Variants in COL6A6 observed in about 807,000 individuals in gnomAD.
The protein encoded by COL6A6 is collagen alpha-6(VI) chain.
COL6A6 carries 183 observed loss-of-function variants against 208.6 expected under a neutral mutation model. The ratio of observed to expected loss-of-function variants is 0.88; its 90% CI spans 0.78 to 0.99. The LOEUF (loss-of-function observed/expected upper bound fraction) is 0.99. COL6A6 is among the 50% of genes least tolerant of loss of function. The probability of loss-of-function intolerance (pLI) is 0.00; values close to 1 mark genes in which losing one functional copy is unlikely to be tolerated. For synonymous variants in COL6A6, 973 were observed against 1,011.8 expected (o/e 0.96, Z 0.73); for missense variants, 2,816 against 2,815.2 (o/e 1.00, Z -0.01).
chr3:130,627,470 A>G (rs2064925928), intron 26 of COL6A6, 101 bp downstream of exon 26: 2 of 931,786 alleles, frequency 2.1e-6, no homozygotes, highest in African/African-American at 1.6e-5. Context: ...GAATAAGGCA[A>G]TCTTGGACAG....
At chr3:130,563,780 A>T in intron 3 of COL6A6, 116 bp downstream of exon 3, 3 of 689,152 alleles carry the variant, frequency 4.4e-6, no homozygotes, top group Admixed American at 5.7e-5. Flanking sequence ...GCATTTTCAG[A>T]TGTTATGTAC....
intron 8 of COL6A6, 37 bp downstream of exon 8, chr3:130,574,562 A>C: frequency 6.5e-7 from 1 of 1,527,400 alleles, no homozygotes; most frequent in Non-Finnish European, 9.0e-7. Context: ...GATTCCCTAC[A>C]CCATCTTCTC....
At chr3:130,598,332 A>G in intron 18 of COL6A6, 33 bp from the exon 19 acceptor site, 2 of 1,393,558 alleles carry the variant, frequency 1.4e-6, no homozygotes, top group South Asian at 2.5e-5. Context: ...ATGTCCAAAT[A>G]TATTAATTTT....
At chr3:130,581,928 T>A (rs2063433623) in intron 9 of COL6A6, 24 bp downstream of exon 9, 1 of 1,596,460 alleles carries the variant, frequency 6.3e-7, no homozygotes, top group East Asian at 2.2e-5. Context: ...ATCTTATTTG[T>A]TGGTCTATGA....
chr3:130,590,172 TA>T (rs2063639563), intron 12 of COL6A6: 1 of 207,214 alleles, frequency 4.8e-6, no homozygotes, highest in African/African-American at 2.4e-5. Flanking sequence ...GAACTATATA[TA>T]AACCCAGATT....
At chr3:130,530,336 C>T (rs981998621) in intron 1 of COL6A6, among the ~76,000 whole-genome samples, 9 of 150,266 alleles carry the variant, frequency 6.0e-5, no homozygotes, top group African/African-American at 2.2e-4. Context: ...ACTGCCTGGC[C>T]TCAAAACCCT....
At chr3:130,590,270 TA>T (rs1560034342) in intron 12 of COL6A6, among the ~76,000 whole-genome samples, 2 of 18,008 alleles carry the variant, frequency 1.1e-4, no homozygotes, top group Non-Finnish European at 2.5e-4. Flanking sequence ...TATATATATA[TA>T]TATATATATA....
At position 130,544,121 on chromosome 3, in the gene COL6A6, T is replaced by C. The variant is rs80289975; in HGVS notation, c.-31-16213T>C. Among the ~76,000 whole-genome samples the C allele has an allele frequency of 6.0e-3, 920 of 152,326 alleles. 5 individuals carry two copies. Among genetic ancestry groups the C allele is most frequent in the African/African-American group, 0.02 (823 of 41,566 alleles). On this transcript the variant is annotated intron_variant, in intron 1 of 36. Coordinates refer to ENST00000358511, the MANE Select transcript of COL6A6 (RefSeq NM_001102608.3). ...TCCTGACTTATTCATCCTATATATC[T>C]GCAACTTTATATCTTTTGACCTATA...
chr3:130,657,574 A>AAACAAC (rs60476470), intron 33 of COL6A6, among the ~76,000 whole-genome samples: 17 of 152,004 alleles, frequency 1.1e-4, no homozygotes, highest in Non-Finnish European at 2.2e-4. Context: ...TATTTGTTTA[A>AAACAAC]AACAACAACA....
chr3:130,542,973 T>C (rs1013935395), intron 1 of COL6A6, among the ~76,000 whole-genome samples: 2 of 144,538 alleles, frequency 1.4e-5, no homozygotes, highest in Non-Finnish European at 3.0e-5. Flanking sequence ...TGGCACCATC[T>C]CGGCTCACTG....
At chr3:130,605,637 A>G (rs561715413) in intron 20 of COL6A6, among the ~76,000 whole-genome samples, 182 of 152,316 alleles carry the variant, frequency 1.2e-3, no homozygotes, top group African/African-American at 4.2e-3. Flanking sequence ...GTAAAAATAA[A>G]ATAAAGACTT....
chr3:130,538,852 A>G (rs1285525976), intron 1 of COL6A6, among the ~76,000 whole-genome samples: 1 of 152,100 alleles, frequency 6.6e-6, no homozygotes, highest in Non-Finnish European at 1.5e-5. Context: ...TCCTATCTCT[A>G]CTATTTCATG....
intron 1 of COL6A6, among the ~76,000 whole-genome samples, chr3:130,547,168 T>C (rs1577665763): frequency 2.6e-5 from 4 of 152,230 alleles, no homozygotes; most frequent in Admixed American, 2.6e-4. Flanking sequence ...GCGGAGGGGC[T>C]CGGGCATGGC....
At position 130,568,164 on chromosome 3, in the gene COL6A6, T is replaced by G; in HGVS notation, c.1961T>G (p.Ile654Ser). ...FMKNLVSKSQ[I>S]GPDRVQIGVV... ...AAAAACCTGGTGAGCAAGTCTCAGA[T>G]TGGACCAGATCGGGTGCAAATTGGT... Residue 654 changes from isoleucine to serine, a missense_variant, in exon 6 of 37, where the codon ATT (isoleucine) becomes AGT (serine). Ile to Ser is a moderately radical substitution (Grantham distance 142). Transcript: ENST00000358511. 6.2e-7 allele frequency: 1 copy of G among 1,614,016 alleles called. No homozygotes were observed. The highest frequency in any genetic ancestry group is 1.1e-5 in the South Asian group (1 of 91,082).
intron 31 of COL6A6, among the ~76,000 whole-genome samples, chr3:130,644,247 G>C (rs1464947523): frequency 1.3e-5 from 2 of 152,226 alleles, no homozygotes; most frequent in Non-Finnish European, 2.9e-5. Context: ...TGCAAGGGGG[G>C]ACCCCTGCAA....
chr3:130,620,108 A>C (rs925249109), intron 23 of COL6A6, among the ~76,000 whole-genome samples: 29 of 150,548 alleles, frequency 1.9e-4, no homozygotes, highest in East Asian at 5.8e-4. Flanking sequence ...TTAAGTCTTG[A>C]GTTTTGTTTT....
intron 8 of COL6A6, among the ~76,000 whole-genome samples, chr3:130,577,400 A>G (rs555208042): frequency 1.5e-4 from 23 of 152,324 alleles, no homozygotes; most frequent in Admixed American, 1.3e-3. Context: ...TGATATTGAC[A>G]TTATAAAGAA....
chr3:130,581,694 A>C lies in COL6A6; in HGVS notation c.3681A>C (p.Val1227=). 1 of 1,613,820 alleles carries C rather than the reference A, an allele frequency of 6.2e-7. No homozygotes were observed. Among genetic ancestry groups the C allele is most frequent in the Non-Finnish European group, 8.5e-7 (1 of 1,179,708 alleles). ...ILRAISSLNG[V]SCEVGTETQV... ...GTGCCATCAGCTCCCTCAATGGAGTAAGCTGTGAGGTGGGCACAGAGACTC... is the reference window on the plus strand; with the variant it reads ...GTGCCATCAGCTCCCTCAATGGAGTCAGCTGTGAGGTGGGCACAGAGACTC... Residue 1227 remains valine (V), a synonymous_variant, in exon 9 of 37, where the codon GTA becomes GTC. Transcript: ENST00000358511.
Position 130,606,936 on chromosome 3 carries a change from T to C in COL6A6, c.4659T>C (p.Ala1553=). The change falls in exon 21 of 37, where the codon GCT becomes GCC. Residue 1553 remains alanine, a synonymous_variant. Transcript: ENST00000358511. ...CACCTTTTCTTCTATTTTAGGCAGCTCATGGCAGAAGGGGACATACAGGCC... is the reference window on the plus strand; with the variant it reads ...CACCTTTTCTTCTATTTTAGGCAGCCCATGGCAGAAGGGGACATACAGGCC... The part of the protein sequence containing the change: ...GTPGSRRKTA[A]HGRRGHTGPQ... The C allele has an allele frequency of 6.2e-7, 1 of 1,609,756 alleles. No homozygotes were observed. The highest frequency in any genetic ancestry group is 8.5e-7 in the Non-Finnish European group (1 of 1,178,294).
Sources: gnomAD v4.1 joint callset for allele counts (sites outside exome capture counted in the v4.1 genomes callset) on GRCh38, gnomAD v4.1.1 for gene constraint, MANE v1.5 for transcripts, NCBI Gene and HGNC (gene_info 2026-07-23, HGNC 2026-07-21) for gene names.